ST3GAL1: variants seen among roughly 807,000 people sequenced by gnomAD.
ST3GAL1 encodes ST3 beta-galactoside alpha-2,3-sialyltransferase 1.
ST3GAL1 carries 16 observed loss-of-function variants against 34.1 expected under a neutral mutation model. The observed-to-expected ratio is 0.47, with a 90% CI of 0.32 to 0.71. The LOEUF is 0.71. Ranked by LOEUF, ST3GAL1 falls within the 30% of genes least tolerant of loss-of-function variation. The probability of loss-of-function intolerance (pLI) is 0.04; values close to 1 mark genes in which losing one functional copy is unlikely to be tolerated. For missense variants in ST3GAL1, 353 were observed against 447.4 expected (o/e 0.79, Z 1.90); for synonymous variants, 191 against 184.7 (o/e 1.03, Z -0.28).
chr8:133,461,005 G>C lies in ST3GAL1; in HGVS notation c.849+870C>G, dbSNP rs1027679893. On this transcript the variant is annotated intron_variant, in intron 9 of 9. Coordinates refer to ENST00000522652, the MANE Select transcript of ST3GAL1 (RefSeq NM_173344.3). The surrounding 1 kb of genome is among the most constrained non-coding windows in gnomAD (Gnocchi z 4.7). Reference sequence around the variant, plus strand: ...CAAGAACGTTAGGGCCAAATCGGTGGGACGATGGGAGAAAGGGCTCTTGAG... The same window carrying C: ...CAAGAACGTTAGGGCCAAATCGGTGCGACGATGGGAGAAAGGGCTCTTGAG... Among the ~76,000 whole-genome samples, 7 of 152,154 alleles carry C rather than the reference G, an allele frequency of 4.6e-5. No individual in the cohort carries two copies. The highest frequency in any genetic ancestry group is 1.4e-4 in the African/African-American group (6 of 41,414).
intron 3 of ST3GAL1, among the ~76,000 whole-genome samples, chr8:133,497,586 C>T (rs1033703203): frequency 2.0e-5 from 3 of 150,904 alleles, no homozygotes; most frequent in African/African-American, 7.3e-5. Flanking sequence ...AATTCTCCTG[C>T]CTCAGCCTCC....
intron 1 of ST3GAL1, among the ~76,000 whole-genome samples, chr8:133,563,098 G>T (rs1360555800): frequency 6.6e-6 from 1 of 151,922 alleles, no homozygotes; most frequent in African/African-American, 2.4e-5. Context: ...AGCCACTCTG[G>T]TGTTTTAGTT....
chr8:133,538,454 G>A (rs1318938926), intron 2 of ST3GAL1, among the ~76,000 whole-genome samples: 2 of 152,232 alleles, frequency 1.3e-5, no homozygotes, highest in South Asian at 2.1e-4. Context: ...GGCGGAGGTT[G>A]CAGTGAGCTG....
chr8:133,477,931 C>T (rs2130949137), intron 3 of ST3GAL1, among the ~76,000 whole-genome samples: 1 of 152,244 alleles, frequency 6.6e-6, no homozygotes, highest in African/African-American at 2.4e-5. Context: ...AGCTCCAAAA[C>T]CATATTAAAT....
intron 3 of ST3GAL1, among the ~76,000 whole-genome samples, chr8:133,477,642 A>T (rs1305351026): frequency 2.0e-5 from 3 of 151,998 alleles, no homozygotes; most frequent in Non-Finnish European, 4.4e-5. Context: ...AGGGGGGAGT[A>T]TTCTTTTGAA....
At position 133,459,860 on chromosome 8, in the gene ST3GAL1, AG is replaced by A; in HGVS notation, c.926del (p.Ala309ValfsTer16). ...CATCGTGCACCCCCGTCTTGCGAAA[AG>A]CCCCCGCGGATGGGTTGTTCTCCCA... ...HYWENNPSAGAFRKTGVHDAD... is the reference protein window; with the variant it reads ...HYWENNPSAGXFRKTGVHDAD... On this transcript the variant is annotated frameshift_variant, in exon 10 of 10. Transcript: ENST00000522652. LOFTEE classifies it high-confidence loss of function. The surrounding 1 kb of genome is among the most constrained non-coding windows in gnomAD (Gnocchi z 4.7). 6.2e-7 allele frequency: 1 copy of A among 1,614,056 alleles called. No individual in the cohort carries two copies. Among genetic ancestry groups the A allele is most frequent in the Non-Finnish European group, 8.5e-7 (1 of 1,179,986 alleles).
intron 2 of ST3GAL1, among the ~76,000 whole-genome samples, chr8:133,500,390 T>G (rs892947756): frequency 1.3e-5 from 2 of 152,088 alleles, no homozygotes; most frequent in African/African-American, 4.8e-5. Flanking sequence ...AAGAAACAAC[T>G]CGAAAGGGAC....
At chr8:133,512,785 T>A (rs981711767) in intron 2 of ST3GAL1, among the ~76,000 whole-genome samples, 45 of 152,170 alleles carry the variant, frequency 3.0e-4, no homozygotes, top group African/African-American at 1.0e-3. Flanking sequence ...ACCAGCTGGG[T>A]TTTTTAGTTT....
At chr8:133,473,167 ACG>A (rs1816031174) in intron 5 of ST3GAL1, among the ~76,000 whole-genome samples, 1 of 152,108 alleles carries the variant, frequency 6.6e-6, no homozygotes, top group African/African-American at 2.4e-5. Flanking sequence ...TTTTTCCCTT[ACG>A]CCTTTTTAAC....
chr8:133,512,039 G>A (rs1160608926), intron 2 of ST3GAL1, among the ~76,000 whole-genome samples: 1 of 152,170 alleles, frequency 6.6e-6, no homozygotes, highest in East Asian at 1.9e-4. Context: ...GCAACAGAGC[G>A]AGACTCTGTC....
At chr8:133,524,633 G>A (rs1412773947) in intron 2 of ST3GAL1, among the ~76,000 whole-genome samples, 1 of 152,230 alleles carries the variant, frequency 6.6e-6, no homozygotes, top group Non-Finnish European at 1.5e-5. Context: ...CTAGCACAGG[G>A]TCCAGCCACT....
intron 6 of ST3GAL1, 81 bp downstream of exon 6, chr8:133,465,813 G>T: frequency 1.3e-6 from 2 of 1,497,708 alleles, no homozygotes; most frequent in Non-Finnish European, 1.8e-6. Flanking sequence ...GCCTTCCTGA[G>T]CCTGAGCCAA....
At position 133,474,620 on chromosome 8, in the gene ST3GAL1, C is replaced by T. The variant is rs560965075; in HGVS notation, c.306+1099G>A. ...CTGCACCTCCCCTGATTTACAGCCC[C>T]CCAGCCATGCAGAGCTCCTCTACTC... On this transcript the variant is annotated intron_variant, in intron 5 of 9. Coordinates refer to ENST00000522652, the MANE Select transcript of ST3GAL1 (RefSeq NM_173344.3). Among the ~76,000 whole-genome samples the T allele has an allele frequency of 1.4e-4, 22 of 152,222 alleles. No homozygotes were observed. In the South Asian group the frequency reaches 4.4e-3, roughly 30 times the overall value.
At position 133,546,451 on chromosome 8, in the gene ST3GAL1, C is replaced by G. The variant is rs537454301; in HGVS notation, c.-581-525G>C. Reference sequence around the variant, plus strand: ...TGAGCCCAGATCGTGCCACTGCACTCCAGCCAGGGACAGAGAGAGACTCCG... The same window carrying G: ...TGAGCCCAGATCGTGCCACTGCACTGCAGCCAGGGACAGAGAGAGACTCCG... On this transcript the variant is annotated intron_variant, in intron 1 of 9. Coordinates refer to ENST00000522652, the MANE Select transcript of ST3GAL1 (RefSeq NM_173344.3). 6.8e-5 allele frequency among the ~76,000 whole-genome samples: 10 copies of G among 147,322 alleles called. 1 individual carries two copies. Among genetic ancestry groups the G allele is most frequent in the African/African-American group, 2.3e-4 (9 of 39,450 alleles).
chr8:133,526,453 A>G (rs1817977003), intron 2 of ST3GAL1, among the ~76,000 whole-genome samples: 1 of 152,140 alleles, frequency 6.6e-6, no homozygotes, highest in African/African-American at 2.4e-5. Flanking sequence ...GTCTAATCAA[A>G]TAGTTTGCTC....
chr8:133,502,353 G>A (rs1345766909), intron 2 of ST3GAL1, among the ~76,000 whole-genome samples: 1 of 151,524 alleles, frequency 6.6e-6, no homozygotes, highest in Admixed American at 6.6e-5. Flanking sequence ...TGGAGATAAG[G>A]CCTTTAGGAA....
chr8:133,464,998 C>T (rs374574062), intron 6 of ST3GAL1, 41 bp from the exon 7 acceptor site: 11 of 1,575,086 alleles, frequency 7.0e-6, no homozygotes, highest in Non-Finnish European at 8.6e-6. Context: ...GTAGCACGGG[C>T]ACCCGTTCTC....
rs1488747267 is a variant in ST3GAL1 at position 133,556,794 on chromosome 8, C to T, written c.-581-10868G>A. ...CCACCACTAACAGTCCTATTTATAG[C>T]CCTTTGAAATATGGTGTGGTGGAGG... On this transcript the variant is annotated intron_variant, in intron 1 of 9. Transcript: ENST00000522652. The surrounding 1 kb of genome is among the most constrained non-coding windows in gnomAD (Gnocchi z 8.9). Among the ~76,000 whole-genome samples the T allele has an allele frequency of 6.6e-6, 1 of 152,134 alleles. No individual in the cohort carries two copies. The highest frequency in any genetic ancestry group is 2.4e-5 in the African/African-American group (1 of 41,426).
chr8:133,481,304 T>C (rs1816374950), intron 3 of ST3GAL1, among the ~76,000 whole-genome samples: 1 of 152,246 alleles, frequency 6.6e-6, no homozygotes. Flanking sequence ...GACTGGTCTA[T>C]TTCTGGTTTA....
Sources: allele counts gnomAD v4.1 joint callset (sites outside exome capture counted in the v4.1 genomes callset), GRCh38; gene constraint gnomAD v4.1.1; non-coding constraint Gnocchi (gnomAD v3.1); transcripts MANE v1.5; gene names NCBI Gene and HGNC (gene_info 2026-07-23, HGNC 2026-07-21).